RBFOX1: variants seen among roughly 807,000 people sequenced by gnomAD.
RBFOX1 encodes the protein RNA binding protein fox-1 homolog 1.
Under a neutral mutation model 57.7 loss-of-function variants are expected in RBFOX1, and 8 were observed. That is an observed-to-expected ratio of 0.14 (90% CI 0.08 to 0.25). The LOEUF (loss-of-function observed/expected upper bound fraction) is 0.25. RBFOX1 is among the 10% of genes least tolerant of loss of function. The probability of loss-of-function intolerance (pLI) is 1.00; values close to 1 mark genes in which losing one functional copy is unlikely to be tolerated. For missense variants in RBFOX1, 611 were observed against 548.5 expected (o/e 1.11, Z -1.14); for synonymous variants, 326 against 222.4 (o/e 1.47, Z -4.15).
intron 1 of RBFOX1, among the ~76,000 whole-genome samples, chr16:5,334,152 T>G (rs901170858): frequency 2.6e-5 from 4 of 152,108 alleles, no homozygotes; most frequent in African/African-American, 9.7e-5. Context: ...AGGAGAAGTT[T>G]ATTGTGGAGT....
chr16:7,197,609 AC>A (rs1320316599), intron 4 of RBFOX1, among the ~76,000 whole-genome samples: 1 of 152,190 alleles, frequency 6.6e-6, no homozygotes, highest in Non-Finnish European at 1.5e-5. Flanking sequence ...AAGTACTCAA[AC>A]AAAAATGTGT....
intron 1 of RBFOX1, among the ~76,000 whole-genome samples, chr16:6,218,277 T>TTTTATTTA (rs57435796): frequency 1.3e-5 from 2 of 150,680 alleles, no homozygotes; most frequent in African/African-American, 4.9e-5. Flanking sequence ...AGTGAAGTCT[T>TTTTATTTA]TTTATTTATT....
At chr16:6,974,385 C>A (rs28661139) in intron 3 of RBFOX1, among the ~76,000 whole-genome samples, 5,425 of 128,954 alleles carry the variant, frequency 0.042, 380 homozygotes, top group African/African-American at 0.15. Context: ...TGCTTTGTTG[C>A]CCAGGCTGGA....
intron 10 of RBFOX1, among the ~76,000 whole-genome samples, chr16:7,610,613 T>C (rs1034557613): frequency 6.6e-6 from 1 of 152,242 alleles, no homozygotes; most frequent in African/African-American, 2.4e-5. Context: ...TGCTTTCCTC[T>C]TTTCAGCTGT....
chr16:5,569,275 A>C (rs1250345919), intron 2 of RBFOX1, among the ~76,000 whole-genome samples: 1 of 149,300 alleles, frequency 6.7e-6, no homozygotes, highest in African/African-American at 2.5e-5. Context: ...TGGAGGAGTC[A>C]GCAGAGGGGC....
intron 4 of RBFOX1, among the ~76,000 whole-genome samples, chr16:7,266,067 C>G (rs2095128137): frequency 6.7e-6 from 1 of 149,300 alleles, no homozygotes; most frequent in South Asian, 2.1e-4. Context: ...CTCCGCCTCC[C>G]AGGTTCACGC....
At chr16:5,856,096 C>G (rs1004268398) in intron 3 of RBFOX1, among the ~76,000 whole-genome samples, 1 of 133,180 alleles carries the variant, frequency 7.5e-6, no homozygotes, top group South Asian at 2.4e-4. Flanking sequence ...TTGTATCCTG[C>G]AAATTTACTG....
At chr16:5,492,833 G>A (rs775088400) in intron 2 of RBFOX1, among the ~76,000 whole-genome samples, 14 of 152,164 alleles carry the variant, frequency 9.2e-5, no homozygotes, top group Non-Finnish European at 1.9e-4. Context: ...TCAATAGTGC[G>A]GGGACTTGGT....
At chr16:5,400,155 A>T (rs562699204) in intron 1 of RBFOX1, among the ~76,000 whole-genome samples, 1 of 149,772 alleles carries the variant, frequency 6.7e-6, no homozygotes, top group East Asian at 2.0e-4. Context: ...GCTGGAGTGC[A>T]GTCTTGGCTC....
chr16:6,569,413 C>T (rs181442694), intron 2 of RBFOX1, among the ~76,000 whole-genome samples: 1 of 152,136 alleles, frequency 6.6e-6, no homozygotes, highest in South Asian at 2.1e-4. Context: ...ACTAAGGGCA[C>T]TTAGGAAGTG....
At chr16:6,901,633 T>A (rs776570108) in intron 3 of RBFOX1, among the ~76,000 whole-genome samples, 64 of 152,324 alleles carry the variant, frequency 4.2e-4, no homozygotes, top group East Asian at 5.8e-4. Context: ...AAAATCTGTT[T>A]CTGGTAACCT....
intron 2 of RBFOX1, among the ~76,000 whole-genome samples, chr16:6,356,712 AG>A: frequency 6.6e-6 from 1 of 152,338 alleles, no homozygotes; most frequent in South Asian, 2.1e-4. Flanking sequence ...ATCCTGGAAC[AG>A]GAAAAGGACA....
At chr16:7,563,678 C>T (rs2090983116) in intron 5 of RBFOX1, among the ~76,000 whole-genome samples, 1 of 152,074 alleles carries the variant, frequency 6.6e-6, no homozygotes, top group African/African-American at 2.4e-5. Flanking sequence ...CTATGTTGGC[C>T]AGACTGGTCT....
At chr16:7,523,237 A>G (rs1455616440) in intron 5 of RBFOX1, among the ~76,000 whole-genome samples, 1 of 152,120 alleles carries the variant, frequency 6.6e-6, no homozygotes, top group African/African-American at 2.4e-5. Flanking sequence ...CCATTTACCT[A>G]CACATGGGCA....
intron 4 of RBFOX1, among the ~76,000 whole-genome samples, chr16:7,065,173 G>T (rs1011716618): frequency 2.0e-5 from 3 of 152,210 alleles, no homozygotes; most frequent in African/African-American, 7.2e-5. Context: ...AGCAACTGGT[G>T]TTTGGAAGAA....
At chr16:7,460,203 T>G (rs1362717756) in intron 4 of RBFOX1, among the ~76,000 whole-genome samples, 2 of 151,664 alleles carry the variant, frequency 1.3e-5, no homozygotes, top group Non-Finnish European at 2.9e-5. Context: ...TAGCTGCCAT[T>G]GCTCCAGACA....
chr16:6,378,230 C>T (rs2091418698), intron 2 of RBFOX1, among the ~76,000 whole-genome samples: 1 of 152,234 alleles, frequency 6.6e-6, no homozygotes. Context: ...TGAGCTCCAT[C>T]TGCCGCACAC....
rs113755966 is a variant in RBFOX1 at position 5,371,105 on chromosome 16, G to A, written c.220-96111G>A. ...TGGGACTACAGGTGTGCGCCATCACGCCCGGCTAATTTTTGTATTTTTAGT... is the reference window on the plus strand; with the variant it reads ...TGGGACTACAGGTGTGCGCCATCACACCCGGCTAATTTTTGTATTTTTAGT... On this transcript the variant is annotated intron_variant, in intron 1 of 2. Coordinates refer to the RBFOX1 transcript ENST00000585867. Among the ~76,000 whole-genome samples, 8 of 152,166 alleles carry A rather than the reference G, an allele frequency of 5.3e-5. No individual in the cohort carries two copies. The South Asian group carries it at 1.2e-3, about 24-fold the overall frequency.
intron 3 of RBFOX1, among the ~76,000 whole-genome samples, chr16:5,782,686 C>G (rs1597232123): frequency 6.6e-6 from 1 of 152,138 alleles, no homozygotes; most frequent in South Asian, 2.1e-4. Context: ...ATGTGCGTTC[C>G]TGTTATGAAG....
Sources: gnomAD v4.1 joint callset for allele counts (sites outside exome capture counted in the v4.1 genomes callset) on GRCh38, gnomAD v4.1.1 for gene constraint, MANE v1.5 for transcripts, NCBI Gene and HGNC (gene_info 2026-07-23, HGNC 2026-07-21) for gene names.